Variants in CMIP observed in about 807,000 individuals in gnomAD.
CMIP encodes C-Maf-inducing protein.
In CMIP, 13 loss-of-function variants were observed where a neutral mutation model predicts 97.3. The observed-to-expected ratio is 0.13, with a 90% confidence interval of 0.09 to 0.21. The LOEUF (loss-of-function observed/expected upper bound fraction) is 0.21, where lower values mean the gene tolerates loss of function less well. Among genes scored for constraint, CMIP ranks in the 10% least tolerant of loss-of-function variants. The probability of loss-of-function intolerance (pLI) is 1.00; values close to 1 mark genes in which losing one functional copy is unlikely to be tolerated. For missense variants in CMIP, 847 were observed against 1,024.9 expected (o/e 0.83, Z 2.37); for synonymous variants, 538 against 436.3 (o/e 1.23, Z -2.91).
chr16:81,696,878 C>G (rs1187827783), intron 14 of CMIP: 2 of 591,926 alleles, frequency 3.4e-6, no homozygotes, highest in Non-Finnish European at 6.0e-6. Flanking sequence ...AAGCCAAGCA[C>G]TTGGCTTTCC....
intron 1 of CMIP, among the ~76,000 whole-genome samples, chr16:81,549,414 C>T (rs544395612): frequency 9.3e-4 from 142 of 152,220 alleles, no homozygotes; most frequent in African/African-American, 3.4e-3. Flanking sequence ...AGCCAGCAGC[C>T]GAGGGCCGTT....
At chr16:81,670,015 C>G (rs1264554511) in intron 7 of CMIP, 127 bp from the exon 8 acceptor site, 8 of 811,360 alleles carry the variant, frequency 9.9e-6, no homozygotes, top group Admixed American at 8.0e-5. Flanking sequence ...TGGTGTCTCC[C>G]CATTGCCTTC....
At chr16:81,604,316 A>G (rs2091705332) in intron 1 of CMIP, among the ~76,000 whole-genome samples, 1 of 150,852 alleles carries the variant, frequency 6.6e-6, no homozygotes, top group South Asian at 2.1e-4. Context: ...GAATCGCTTG[A>G]ACCCGAGTGG....
intron 1 of CMIP, among the ~76,000 whole-genome samples, chr16:81,509,802 C>G (rs962980610): frequency 2.0e-5 from 3 of 152,218 alleles, no homozygotes; most frequent in African/African-American, 7.2e-5. Flanking sequence ...ACCCAGACCC[C>G]TCAGCTTGCT....
chr16:81,532,001 A>G (rs777975985), intron 1 of CMIP, among the ~76,000 whole-genome samples: 11 of 152,132 alleles, frequency 7.2e-5, no homozygotes, highest in African/African-American at 2.4e-5. Context: ...GATAGCTTCC[A>G]TTTCATGGCG....
intron 1 of CMIP, chr16:81,520,335 C>T (rs1176183196): frequency 6.6e-6 from 1 of 152,210 alleles, no homozygotes; most frequent in East Asian, 1.9e-4. Context: ...CAGGATCCCA[C>T]TTCTTGAACA....
chr16:81,664,591 G>A (rs923068643), intron 7 of CMIP: 2 of 584,106 alleles, frequency 3.4e-6, no homozygotes, highest in South Asian at 2.2e-5. Flanking sequence ...CGCAGCTGGA[G>A]GAGAAGAGGA....
Position 81,453,943 on chromosome 16 carries a change from A to G in CMIP, c.300+8402A>G, listed in dbSNP as rs1177726055. ...ATGGTTTACATGTGCGTCTGGGAGG[A>G]AGAGGAGAGCATGGAAGCGATGACT... On this transcript the variant is annotated intron_variant, in intron 1 of 20. Transcript: ENST00000537098. The surrounding 1 kb of genome is among the most constrained non-coding windows in gnomAD (Gnocchi z 4.0). Among the ~76,000 whole-genome samples, 1 of 152,090 alleles carries G rather than the reference A, an allele frequency of 6.6e-6. No homozygotes were observed.
chr16:81,477,504 A>G (rs1472633309), intron 1 of CMIP, among the ~76,000 whole-genome samples: 1 of 152,196 alleles, frequency 6.6e-6, no homozygotes, highest in Non-Finnish European at 1.5e-5. Flanking sequence ...TGGACTGTGC[A>G]TCCAGGTCCC....
chr16:81,466,045 T>C (rs1907185070), intron 1 of CMIP, among the ~76,000 whole-genome samples: 1 of 18,478 alleles, frequency 5.4e-5, no homozygotes, highest in South Asian at 1.3e-3. Context: ...TTTCATTTGT[T>C]TTTTTTTTAC....
intron 3 of CMIP, among the ~76,000 whole-genome samples, chr16:81,637,949 T>C (rs2092257381): frequency 6.6e-6 from 1 of 152,164 alleles, no homozygotes; most frequent in Admixed American, 6.5e-5. Context: ...CCAAGCCTCT[T>C]TTCTAAGGGC....
At chr16:81,587,453 C>T (rs1405805518) in intron 1 of CMIP, among the ~76,000 whole-genome samples, 1 of 152,230 alleles carries the variant, frequency 6.6e-6, no homozygotes, top group Non-Finnish European at 1.5e-5. Flanking sequence ...CCGGTTTCAC[C>T]TCTGTTCAGC....
At chr16:81,662,640 C>T (rs2092559902) in intron 6 of CMIP, among the ~76,000 whole-genome samples, 1 of 152,192 alleles carries the variant, frequency 6.6e-6, no homozygotes, top group South Asian at 2.1e-4. Flanking sequence ...ATTCATCTTG[C>T]TTTCTCAGGG....
At chr16:81,670,629 G>C (rs1024058554) in intron 8 of CMIP, among the ~76,000 whole-genome samples, 6 of 148,088 alleles carry the variant, frequency 4.1e-5, no homozygotes, top group East Asian at 4.1e-4. Flanking sequence ...TTGGGGGGGG[G>C]GGGGGTGGTT....
intron 3 of CMIP, among the ~76,000 whole-genome samples, chr16:81,640,704 G>C (rs1017302290): frequency 6.6e-6 from 1 of 150,524 alleles, no homozygotes; most frequent in Non-Finnish European, 1.5e-5. Context: ...TGGCATCCAG[G>C]CTCTGCCTCC....
At chr16:81,565,828 C>G (rs1160712802) in intron 1 of CMIP, among the ~76,000 whole-genome samples, 1 of 152,220 alleles carries the variant, frequency 6.6e-6, no homozygotes, top group East Asian at 1.9e-4. Flanking sequence ...GGCGCCGCCT[C>G]CTTCAGGATG....
At chr16:81,452,342 TGATGTCAGGGTAAATGAGGTGAG>T (rs1480344920) in intron 1 of CMIP, among the ~76,000 whole-genome samples, 6 of 152,132 alleles carry the variant, frequency 3.9e-5, no homozygotes, top group African/African-American at 1.4e-4. Context: ...CTCTTAGCAT[TGATGTCAGGGTAAATGAGGTGAG>T]GCCTGGCGGT....
At chr16:81,492,128 G>A (rs985839392) in intron 1 of CMIP, among the ~76,000 whole-genome samples, 3 of 152,184 alleles carry the variant, frequency 2.0e-5, no homozygotes, top group African/African-American at 7.2e-5. Flanking sequence ...TCCCAGGAGG[G>A]AGATTAGTCG....
intron 4 of CMIP, among the ~76,000 whole-genome samples, 159 bp from the exon 5 acceptor site, chr16:81,657,616 G>A (rs962567879): frequency 1.3e-5 from 2 of 152,156 alleles, no homozygotes; most frequent in Non-Finnish European, 2.9e-5. Flanking sequence ...CCTTGCCCCT[G>A]AGGGTGTTCT....
Sources: gnomAD v4.1 joint callset for allele counts (sites outside exome capture counted in the v4.1 genomes callset) on GRCh38, gnomAD v4.1.1 for gene constraint, Gnocchi (gnomAD v3.1) non-coding constraint, MANE v1.5 for transcripts, NCBI Gene and HGNC (gene_info 2026-07-23, HGNC 2026-07-21) for gene names.